RSPO2: variants seen among roughly 807,000 people sequenced by gnomAD.
RSPO2 encodes the protein R-spondin-2.
In RSPO2, 14 loss-of-function variants were observed where a neutral mutation model predicts 30.9. The observed-to-expected ratio is 0.45, with a 90% CI of 0.30 to 0.71. The LOEUF (loss-of-function observed/expected upper bound fraction) is 0.71. Ranked by LOEUF, RSPO2 falls within the 30% of genes least tolerant of loss-of-function variation. The probability of loss-of-function intolerance (pLI) is 0.08; values close to 1 mark genes in which losing one functional copy is unlikely to be tolerated. For synonymous variants in RSPO2, 107 were observed against 96.4 expected (o/e 1.11, Z -0.64); for missense variants, 264 against 301.9 (o/e 0.87, Z 0.93).
intron 5 of RSPO2, among the ~76,000 whole-genome samples, chr8:107,916,526 G>A (rs914336219): frequency 3.9e-5 from 6 of 152,188 alleles, no homozygotes; most frequent in African/African-American, 1.4e-4. Context: ...CATACAAAGT[G>A]CATAAGAAAA....
At chr8:107,961,264 G>A (rs1191049226) in intron 3 of RSPO2, among the ~76,000 whole-genome samples, 3 of 152,074 alleles carry the variant, frequency 2.0e-5, no homozygotes, top group African/African-American at 7.2e-5. Context: ...TAAAATGCAT[G>A]GTCTATTTTA....
At chr8:108,035,836 T>G (rs1811580464) in intron 2 of RSPO2, among the ~76,000 whole-genome samples, 1 of 152,162 alleles carries the variant, frequency 6.6e-6, no homozygotes, top group South Asian at 2.1e-4. Context: ...TTCGCTGGAT[T>G]GGGAACTGGG....
chr8:107,983,107 C>T (rs1814507743), intron 3 of RSPO2: 1 of 1,417,854 alleles, frequency 7.1e-7, no homozygotes, highest in Non-Finnish European at 9.6e-7. Context: ...CGCCGCTTAC[C>T]CCAGGGTCTA....
At position 107,900,738 on chromosome 8, in the gene RSPO2, A is replaced by G. The variant is rs1811429891; in HGVS notation, c.*337T>C. Reference sequence around the variant, plus strand: ...GTGAGTAGCGCATTGCCTGCCAAGCATCTTCTTTCACATAAATAGGCACAA... The same window carrying G: ...GTGAGTAGCGCATTGCCTGCCAAGCGTCTTCTTTCACATAAATAGGCACAA... On this transcript the variant is annotated 3_prime_UTR_variant, in exon 6 of 6. Coordinates refer to ENST00000276659, the MANE Select transcript of RSPO2 (RefSeq NM_178565.5). 4.7e-6 allele frequency: 1 copy of G among 213,974 alleles called. No homozygotes were observed. Among genetic ancestry groups the G allele is most frequent in the East Asian group, 1.1e-4 (1 of 9,432 alleles). The allele number at this position is 213,974 out of a possible 1,614,324, so 13.3% of individuals were successfully genotyped here.
chr8:107,980,728 G>A (rs980165900), intron 3 of RSPO2, among the ~76,000 whole-genome samples: 2 of 151,936 alleles, frequency 1.3e-5, no homozygotes, highest in South Asian at 2.1e-4. Flanking sequence ...TAACAGCCTC[G>A]CCACCCAGGT....
At chr8:108,002,697 A>T (rs1453323366) in intron 2 of RSPO2, among the ~76,000 whole-genome samples, 1 of 152,240 alleles carries the variant, frequency 6.6e-6, no homozygotes, top group Non-Finnish European at 1.5e-5. Flanking sequence ...TCATAAACAC[A>T]GCCCTCAAGA....
chr8:108,036,768 C>A (rs1234833912), intron 2 of RSPO2, among the ~76,000 whole-genome samples: 1 of 152,214 alleles, frequency 6.6e-6, no homozygotes, highest in African/African-American at 2.4e-5. Flanking sequence ...ATTCTTCCAA[C>A]AGCATGAGCT....
chr8:108,057,960 C>T (rs1004638348), intron 2 of RSPO2, among the ~76,000 whole-genome samples: 4 of 152,082 alleles, frequency 2.6e-5, no homozygotes, highest in East Asian at 1.9e-4. Context: ...AATTGAAAAC[C>T]CTTTATTTCC....
intron 5 of RSPO2, among the ~76,000 whole-genome samples, chr8:107,937,566 G>T (rs1236418356): frequency 6.6e-6 from 1 of 150,748 alleles, no homozygotes; most frequent in Non-Finnish European, 1.5e-5. Flanking sequence ...CTGCTTTGCT[G>T]CCCTTGCTCT....
At chr8:107,989,300 A>C in intron 2 of RSPO2, 56 bp from the exon 3 acceptor site, 1 of 1,112,910 alleles carries the variant, frequency 9.0e-7, no homozygotes, top group South Asian at 1.7e-5. Flanking sequence ...GATTTTTGGT[A>C]AATACACCTG....
At chr8:108,056,359 C>A (rs1190969665) in intron 2 of RSPO2, among the ~76,000 whole-genome samples, 1 of 152,012 alleles carries the variant, frequency 6.6e-6, no homozygotes, top group East Asian at 1.9e-4. Flanking sequence ...TGACTCACAC[C>A]TGTAATCCCA....
intron 2 of RSPO2, among the ~76,000 whole-genome samples, chr8:108,035,344 G>A (rs1273043808): frequency 6.6e-6 from 1 of 152,058 alleles, no homozygotes; most frequent in Non-Finnish European, 1.5e-5. Context: ...CTCACCTTTG[G>A]GTATGAATTC....
chr8:107,917,711 C>T (rs1025558758), intron 5 of RSPO2, among the ~76,000 whole-genome samples: 6 of 152,108 alleles, frequency 3.9e-5, no homozygotes, highest in Non-Finnish European at 7.4e-5. Flanking sequence ...GTTTGGCTTT[C>T]TTTGGACTAT....
intron 2 of RSPO2, among the ~76,000 whole-genome samples, chr8:108,008,080 G>A (rs912158974): frequency 5.9e-5 from 9 of 152,108 alleles, no homozygotes; most frequent in African/African-American, 1.9e-4. Context: ...ACACCCAAGG[G>A]AGTGGAGTAA....
At chr8:108,064,242 C>T (rs1041484477) in intron 2 of RSPO2, among the ~76,000 whole-genome samples, 1 of 152,082 alleles carries the variant, frequency 6.6e-6, no homozygotes, top group Non-Finnish European at 1.5e-5. Context: ...GTGAAACAGG[C>T]AACCTACAGA....
intron 2 of RSPO2, among the ~76,000 whole-genome samples, chr8:108,061,949 G>A (rs1304737890): frequency 1.4e-4 from 22 of 151,870 alleles, no homozygotes; most frequent in Non-Finnish European, 1.9e-4. Context: ...GGTACATAAC[G>A]AAATGAAGGC....
chr8:108,056,472 A>G (rs1217856676), intron 2 of RSPO2, among the ~76,000 whole-genome samples: 1 of 151,394 alleles, frequency 6.6e-6, no homozygotes, highest in African/African-American at 2.4e-5. Flanking sequence ...ATACAAAAAA[A>G]AATAGGCAGG....
At chr8:108,023,049 T>C (rs1586635924) in intron 2 of RSPO2, among the ~76,000 whole-genome samples, 1 of 151,890 alleles carries the variant, frequency 6.6e-6, no homozygotes, top group Middle Eastern at 3.4e-3. Context: ...GATATATTTA[T>C]GTATTACAAG....
At chr8:107,992,678 C>T (rs955911793) in intron 2 of RSPO2, among the ~76,000 whole-genome samples, 3 of 152,032 alleles carry the variant, frequency 2.0e-5, no homozygotes, top group African/African-American at 7.2e-5. Flanking sequence ...CATCTAAATG[C>T]AGTACATTTA....
Sources: allele counts gnomAD v4.1 joint callset (sites outside exome capture counted in the v4.1 genomes callset), GRCh38; gene constraint gnomAD v4.1.1; transcripts MANE v1.5; gene names NCBI Gene and HGNC (gene_info 2026-07-23, HGNC 2026-07-21).